The following JAKMIP2 variants were observed in gnomAD, a reference collection of about 807,000 sequenced individuals.
JAKMIP2 encodes the protein janus kinase and microtubule interacting protein 2.
JAKMIP2 carries 25 observed loss-of-function variants against 115.0 expected under a neutral mutation model. The observed-to-expected ratio is 0.22, with a 90% CI of 0.16 to 0.30. JAKMIP2 has a LOEUF of 0.30. Ranked by LOEUF, JAKMIP2 falls within the 10% of genes least tolerant of loss-of-function variation. JAKMIP2 has a pLI of 1.00. For missense variants in JAKMIP2, 642 were observed against 957.6 expected (o/e 0.67, Z 4.35); for synonymous variants, 334 against 343.6 (o/e 0.97, Z 0.31).
intron 1 of JAKMIP2, among the ~76,000 whole-genome samples, chr5:147,682,633 A>G: frequency 6.6e-6 from 1 of 152,340 alleles, no homozygotes; most frequent in Admixed American, 6.5e-5. Flanking sequence ...TCTAATTAAC[A>G]TTGATCCAGA....
intron 20 of JAKMIP2, among the ~76,000 whole-genome samples, chr5:147,610,208 A>G (rs932587749): frequency 2.6e-5 from 4 of 152,022 alleles, no homozygotes; most frequent in African/African-American, 7.2e-5. Context: ...TTCTCCATCC[A>G]TCCAGTTTTG....
intron 1 of JAKMIP2, among the ~76,000 whole-genome samples, chr5:147,741,356 T>C (rs1754135928): frequency 1.3e-5 from 2 of 152,162 alleles, no homozygotes; most frequent in Admixed American, 1.3e-4. Flanking sequence ...CAAAATGCTC[T>C]TTCTTTGAGA....
At chr5:147,666,557 T>C (rs192771633) in intron 2 of JAKMIP2, among the ~76,000 whole-genome samples, 57 of 152,338 alleles carry the variant, frequency 3.7e-4, no homozygotes, top group Admixed American at 1.5e-3. Flanking sequence ...GGCTCTATGA[T>C]GTAGGAAGTC....
At chr5:147,661,736 G>A (rs1758988754) in intron 2 of JAKMIP2, 1 of 330,596 alleles carries the variant, frequency 3.0e-6, no homozygotes, top group African/African-American at 2.1e-5. Context: ...TATCACCCAG[G>A]AAGCATGTTA....
rs1250845718 is a variant in JAKMIP2 at position 147,589,565 on chromosome 5, A to G, written c.*2142T>C. 1.3e-5 allele frequency: 2 copies of G among 152,102 alleles called. No individual in the cohort carries two copies. Among genetic ancestry groups the G allele is most frequent in the Non-Finnish European group, 2.9e-5 (2 of 68,040 alleles). The allele number at this position is 152,102 out of a possible 1,614,324, so 9.4% of individuals were successfully genotyped here. On this transcript the variant is annotated 3_prime_UTR_variant, in exon 22 of 22. Transcript: ENST00000616793. ...ATCAAGCTAATTATGTGATACTGTC[A>G]GTTTGCTCCAAGCCTTTGTTTAATG...
At chr5:147,733,197 A>AATT (rs1016737976) in intron 1 of JAKMIP2, among the ~76,000 whole-genome samples, 9 of 152,170 alleles carry the variant, frequency 5.9e-5, no homozygotes, top group Admixed American at 2.0e-4. Context: ...AATAGACAAA[A>AATT]ATGTTACTCA....
intron 1 of JAKMIP2, among the ~76,000 whole-genome samples, chr5:147,714,517 C>A (rs930603742): frequency 1.6e-4 from 25 of 152,090 alleles, no homozygotes; most frequent in African/African-American, 6.0e-4. Context: ...TCAATAGAGA[C>A]TTAAAAGAAT....
intron 1 of JAKMIP2, among the ~76,000 whole-genome samples, chr5:147,706,531 A>T (rs1752566620): frequency 6.6e-6 from 1 of 152,190 alleles, no homozygotes; most frequent in Non-Finnish European, 1.5e-5. Context: ...CTTAACAGAT[A>T]TCTCTTTAAA....
intron 1 of JAKMIP2, among the ~76,000 whole-genome samples, chr5:147,742,623 G>A (rs573840347): frequency 3.3e-4 from 51 of 152,300 alleles, no homozygotes; most frequent in African/African-American, 1.2e-3. Flanking sequence ...GGAATAGAGA[G>A]ATGGGGGTTA....
intron 20 of JAKMIP2, among the ~76,000 whole-genome samples, chr5:147,611,857 A>G (rs1756344223): frequency 1.3e-5 from 2 of 152,226 alleles, no homozygotes; most frequent in Non-Finnish European, 2.9e-5. Flanking sequence ...ACAGGACAAC[A>G]TGATTATCAT....
At chr5:147,641,589 G>C (rs1421290942) in intron 8 of JAKMIP2, 119 bp downstream of exon 8, 5 of 655,768 alleles carry the variant, frequency 7.6e-6, no homozygotes, top group Non-Finnish European at 1.3e-5. Flanking sequence ...AATGCCCATG[G>C]TTTGCTGCAA....
chr5:147,616,671 G>C (rs1157199940), intron 19 of JAKMIP2, among the ~76,000 whole-genome samples: 2 of 152,174 alleles, frequency 1.3e-5, no homozygotes, highest in Admixed American at 6.5e-5. Context: ...ATGGCATAGA[G>C]TCTATTATTA....
intron 2 of JAKMIP2, 89 bp from the exon 3 acceptor site, chr5:147,661,534 G>T: frequency 1.5e-6 from 2 of 1,339,756 alleles, no homozygotes; most frequent in Non-Finnish European, 2.0e-6. Context: ...AGGCCGCTGT[G>T]ATCTCTTAAT....
chr5:147,654,440 G>A (rs905606947), intron 3 of JAKMIP2, among the ~76,000 whole-genome samples: 3 of 152,034 alleles, frequency 2.0e-5, no homozygotes, highest in African/African-American at 7.2e-5. Flanking sequence ...TCCCTTGTAA[G>A]CTGTATTCCT....
chr5:147,692,019 G>A (rs1311357261), intron 1 of JAKMIP2, among the ~76,000 whole-genome samples: 1 of 152,064 alleles, frequency 6.6e-6, no homozygotes, highest in Admixed American at 6.6e-5. Context: ...ATTGACTCAA[G>A]GAAGCTGTTG....
intron 1 of JAKMIP2, among the ~76,000 whole-genome samples, chr5:147,737,941 T>C (rs902203767): frequency 6.6e-6 from 1 of 152,192 alleles, no homozygotes; most frequent in Non-Finnish European, 1.5e-5. Context: ...AATCAGATAT[T>C]GGTCCTCCCA....
chr5:147,641,794 C>T lies in JAKMIP2; in HGVS notation c.1225-30G>A, dbSNP rs865824329. On this transcript the variant is annotated intron_variant, in intron 7 of 21. Transcript: ENST00000616793. ...AAAACAGATGAAAGATTTTCAGATC[C>T]AGAATTGGTAGATGTTTCTTTATAG... 22 of 1,569,748 alleles carry T rather than the reference C, an allele frequency of 1.4e-5. No homozygotes were observed. The Middle Eastern group carries it at 2.2e-3, about 155-fold the overall frequency.
At chr5:147,645,124 G>C (rs1035554093) in intron 5 of JAKMIP2, 128 bp from the exon 6 acceptor site, 1 of 764,058 alleles carries the variant, frequency 1.3e-6, no homozygotes, top group Non-Finnish European at 2.1e-6. Context: ...GCTGAGGACT[G>C]ACCACTGACA....
At chr5:147,672,077 T>C in intron 1 of JAKMIP2, 123 bp from the exon 2 acceptor site, 12 of 464,980 alleles carry the variant, frequency 2.6e-5, no homozygotes, top group Non-Finnish European at 3.7e-5. Context: ...ATCCTCAGTA[T>C]CTCCTGTCCA....
Sources: allele counts gnomAD v4.1 joint callset (sites outside exome capture counted in the v4.1 genomes callset), GRCh38; gene constraint gnomAD v4.1.1; transcripts MANE v1.5; gene names NCBI Gene and HGNC (gene_info 2026-07-23, HGNC 2026-07-21).